Variants in LDLRAD3 observed in about 807,000 individuals in gnomAD.
LDLRAD3 encodes low-density lipoprotein receptor class A domain-containing protein 3.
In LDLRAD3, 20 loss-of-function variants were observed where a neutral mutation model predicts 29.4. The observed-to-expected ratio is 0.68, with a 90% CI of 0.48 to 0.99. LDLRAD3 has a LOEUF of 0.99. Ranked by LOEUF, LDLRAD3 falls within the 50% of genes least tolerant of loss-of-function variation. LDLRAD3 has a pLI of 0.00. For missense variants in LDLRAD3, 420 were observed against 454.3 expected, an observed-to-expected ratio of 0.92 and a Z score of 0.69; for synonymous variants, 157 against 192.7, an observed-to-expected ratio of 0.81 and a Z score of 1.53.
intron 2 of LDLRAD3, among the ~76,000 whole-genome samples, chr11:36,045,304 A>T (rs1321918724): frequency 6.6e-6 from 1 of 152,180 alleles, no homozygotes; most frequent in Non-Finnish European, 1.5e-5. Context: ...ATTTTACACT[A>T]AGGGGAGGAA....
At chr11:36,148,873 C>T (rs1304873130) in intron 4 of LDLRAD3, among the ~76,000 whole-genome samples, 2 of 152,214 alleles carry the variant, frequency 1.3e-5, no homozygotes, top group East Asian at 1.9e-4. Flanking sequence ...ATTGAAGTAA[C>T]ATTTCAGTTT....
intron 4 of LDLRAD3, among the ~76,000 whole-genome samples, chr11:36,170,261 C>T (rs7952502): frequency 4.8e-5 from 7 of 145,858 alleles, no homozygotes; most frequent in South Asian, 4.3e-4. Context: ...TATATATACA[C>T]ATATATATAC....
intron 4 of LDLRAD3, among the ~76,000 whole-genome samples, chr11:36,130,288 A>C (rs910120373): frequency 6.6e-6 from 1 of 152,176 alleles, no homozygotes; most frequent in Non-Finnish European, 1.5e-5. Context: ...TGGAGGGAGC[A>C]GCATTTGTGA....
At chr11:36,041,311 A>T (rs1003654710) in intron 2 of LDLRAD3, among the ~76,000 whole-genome samples, 7 of 152,174 alleles carry the variant, frequency 4.6e-5, no homozygotes, top group Non-Finnish European at 1.0e-4. Flanking sequence ...TCATCTCCAG[A>T]TGAGGAAATT....
intron 4 of LDLRAD3, among the ~76,000 whole-genome samples, chr11:36,211,447 G>C (rs7107690): frequency 0.58 from 87,773 of 152,022 alleles, 26,651 homozygotes; most frequent in African/African-American, 0.77. Context: ...AACGAGCTTT[G>C]TAGGTGCTGT....
chr11:36,171,016 G>A (rs1854591750), intron 4 of LDLRAD3, among the ~76,000 whole-genome samples: 1 of 152,070 alleles, frequency 6.6e-6, no homozygotes, highest in African/African-American at 2.4e-5. Flanking sequence ...TGGCCAGGAT[G>A]GTATCGATCT....
At chr11:36,028,608 A>G (rs2133203906) in intron 1 of LDLRAD3, among the ~76,000 whole-genome samples, 1 of 152,278 alleles carries the variant, frequency 6.6e-6, no homozygotes, top group East Asian at 1.9e-4. Context: ...TGATAATGGG[A>G]AGCACTAACT....
intron 2 of LDLRAD3, among the ~76,000 whole-genome samples, chr11:36,045,373 A>G (rs539611662): frequency 1.3e-5 from 2 of 152,336 alleles, no homozygotes; most frequent in African/African-American, 2.4e-5. Flanking sequence ...CTGTAACAAC[A>G]TACCACAAAC....
At chr11:36,002,589 G>T (rs1258013860) in intron 1 of LDLRAD3, among the ~76,000 whole-genome samples, 3 of 152,196 alleles carry the variant, frequency 2.0e-5, no homozygotes, top group African/African-American at 7.2e-5. Context: ...GCCACCCAGG[G>T]TCACACTAGG....
chr11:36,087,998 C>T (rs1476712248), intron 3 of LDLRAD3, among the ~76,000 whole-genome samples: 3 of 151,874 alleles, frequency 2.0e-5, no homozygotes, highest in Non-Finnish European at 4.4e-5. Flanking sequence ...GGATTACAGG[C>T]ATGAGCCACT....
intron 4 of LDLRAD3, among the ~76,000 whole-genome samples, chr11:36,114,301 A>G (rs569226029): frequency 6.6e-6 from 1 of 152,288 alleles, no homozygotes; most frequent in East Asian, 1.9e-4. Flanking sequence ...TCGAGCTGCA[A>G]CACTGTGCGG....
chr11:35,973,700 A>G (rs1456658656), intron 1 of LDLRAD3, among the ~76,000 whole-genome samples: 1 of 151,860 alleles, frequency 6.6e-6, no homozygotes. Context: ...CCAACTCCTG[A>G]CCTTAGGTGA....
chr11:35,944,084 A>AGCGGCG lies in LDLRAD3; in HGVS notation c.-12_-7dup. ...GGCAGCAACGACGCCGGGCAGCGGG[A>AGCGGCG]GCGGCGGCCGCGCCATGTGGCTGCT... On this transcript the variant is annotated 5_prime_UTR_variant, in exon 1 of 6. Transcript: ENST00000315571. The surrounding 1 kb of genome is among the most constrained non-coding windows in gnomAD (Gnocchi z 4.9). The AGCGGCG allele has an allele frequency of 9.3e-7, 1 of 1,075,576 alleles. No homozygotes were observed. Among genetic ancestry groups the AGCGGCG allele is most frequent in the Non-Finnish European group, 1.1e-6 (1 of 888,990 alleles). 66.6% of individuals were successfully genotyped at this position (1,075,576 alleles called of 1,614,324 possible). A position where few individuals can be genotyped will look rare whatever the true frequency, so the allele number is the denominator to read the frequency against.
Position 35,969,031 on chromosome 11 carries a change from T to A in LDLRAD3, c.46+24887T>A, listed in dbSNP as rs182737879. Among the ~76,000 whole-genome samples, 339 of 152,316 alleles carry A rather than the reference T, an allele frequency of 2.2e-3. 1 individual carries two copies. The highest frequency in any genetic ancestry group is 7.8e-3 in the African/African-American group (326 of 41,572). ...AGTCCCCGGCTCAGAGTCACGATTTTATACACAGGTTCCAGCCGTGGAATC... is the reference window on the plus strand; with the variant it reads ...AGTCCCCGGCTCAGAGTCACGATTTAATACACAGGTTCCAGCCGTGGAATC... On this transcript the variant is annotated intron_variant, in intron 1 of 5. Coordinates refer to ENST00000315571, the MANE Select transcript of LDLRAD3 (RefSeq NM_174902.4).
intron 4 of LDLRAD3, among the ~76,000 whole-genome samples, chr11:36,164,966 T>G (rs987876424): frequency 3.3e-5 from 5 of 152,252 alleles, no homozygotes; most frequent in African/African-American, 1.2e-4. Flanking sequence ...GTTCCCATTA[T>G]AAAAGTACAT....
chr11:36,096,714 C>T (rs1444589615), intron 3 of LDLRAD3, among the ~76,000 whole-genome samples: 1 of 152,274 alleles, frequency 6.6e-6, no homozygotes, highest in East Asian at 1.9e-4. Flanking sequence ...AGGGCCAGTG[C>T]TTAGCTTAGA....
chr11:36,128,865 A>AG lies in LDLRAD3; in HGVS notation c.454+30404_454+30405insG, dbSNP rs538447136. ...CTGTGTCTCAAGGAAAAAAAAAAAAAAGAGAGAAAAGAAAAATCACCCTAG... is the reference window on the plus strand; with the variant it reads ...CTGTGTCTCAAGGAAAAAAAAAAAAAGAGAGAGAAAAGAAAAATCACCCTAG... On this transcript the variant is annotated intron_variant, in intron 4 of 5. Transcript: ENST00000315571. Among the ~76,000 whole-genome samples, 505 of 146,380 alleles carry AG rather than the reference A, an allele frequency of 3.4e-3. 3 individuals are homozygous for AG. The highest frequency in any genetic ancestry group is 0.012 in the African/African-American group (472 of 40,738).
chr11:36,029,050 C>A (rs567700425), intron 1 of LDLRAD3, among the ~76,000 whole-genome samples: 16 of 152,188 alleles, frequency 1.1e-4, no homozygotes, highest in Non-Finnish European at 2.4e-4. Context: ...CGAGACCATC[C>A]TGGTCAATAT....
chr11:35,971,330 G>A (rs771648986), intron 1 of LDLRAD3, among the ~76,000 whole-genome samples: 8 of 152,288 alleles, frequency 5.3e-5, no homozygotes, highest in Non-Finnish European at 1.0e-4. Context: ...GGGCTGATTT[G>A]CATCCCCAAA....
Sources: gnomAD v4.1 joint callset for allele counts (sites outside exome capture counted in the v4.1 genomes callset) on GRCh38, gnomAD v4.1.1 for gene constraint, Gnocchi (gnomAD v3.1) non-coding constraint, MANE v1.5 for transcripts, NCBI Gene and HGNC (gene_info 2026-07-23, HGNC 2026-07-21) for gene names.